CCSER1: variants seen among roughly 807,000 people sequenced by gnomAD.
CCSER1 encodes the protein coiled-coil serine rich protein 1.
Under a neutral mutation model 82.0 loss-of-function variants are expected in CCSER1, and 41 were observed. The ratio of observed to expected loss-of-function variants is 0.50; its 90% CI spans 0.39 to 0.65. The LOEUF (loss-of-function observed/expected upper bound fraction) is 0.65, where lower values mean the gene tolerates loss of function less well. Among genes scored for constraint, CCSER1 ranks in the 30% least tolerant of loss-of-function variants. CCSER1 has a pLI of 0.00. For missense variants in CCSER1, 1,119 were observed against 1,064.2 expected, an observed-to-expected ratio of 1.05 and a Z score of -0.72; for synonymous variants, 414 against 383.9, an observed-to-expected ratio of 1.08 and a Z score of -0.92.
chr4:90,198,885 A>G (rs568339788), intron 1 of CCSER1, among the ~76,000 whole-genome samples: 1 of 152,146 alleles, frequency 6.6e-6, no homozygotes, highest in Non-Finnish European at 1.5e-5. Context: ...AGATTATTCA[A>G]ATCTTTACAT....
At chr4:90,532,698 G>C (rs116239987) in intron 5 of CCSER1, among the ~76,000 whole-genome samples, 1 of 152,024 alleles carries the variant, frequency 6.6e-6, no homozygotes, top group Non-Finnish European at 1.5e-5. Flanking sequence ...AAATAATTTT[G>C]TATGGACTTC....
At chr4:91,374,258 C>A (rs949577305) in intron 10 of CCSER1, among the ~76,000 whole-genome samples, 2 of 152,138 alleles carry the variant, frequency 1.3e-5, no homozygotes, top group South Asian at 4.1e-4. Context: ...AAGATGCCAT[C>A]TAGGACTTTC....
At chr4:91,082,080 G>A (rs1219037019) in intron 9 of CCSER1, among the ~76,000 whole-genome samples, 1 of 152,044 alleles carries the variant, frequency 6.6e-6, no homozygotes, top group Non-Finnish European at 1.5e-5. Context: ...ATTTCATACG[G>A]AACCACAAAA....
chr4:91,148,282 A>C (rs1055072283), intron 10 of CCSER1, among the ~76,000 whole-genome samples: 1 of 152,110 alleles, frequency 6.6e-6, no homozygotes, highest in African/African-American at 2.4e-5. Context: ...TCTTCAATTG[A>C]GACTCATTTA....
chr4:90,938,703 G>T, intron 9 of CCSER1: 1 of 406,124 alleles, frequency 2.5e-6, no homozygotes, highest in Non-Finnish European at 5.0e-6. Flanking sequence ...ATGCACTGAA[G>T]GTTTATTTAA....
At chr4:90,405,879 A>G (rs766768357) in intron 4 of CCSER1, among the ~76,000 whole-genome samples, 2 of 152,180 alleles carry the variant, frequency 1.3e-5, no homozygotes, top group Non-Finnish European at 2.9e-5. Flanking sequence ...TCTTGAAACA[A>G]ATTTTCAAAA....
At chr4:90,195,206 T>G (rs563557355) in intron 1 of CCSER1, among the ~76,000 whole-genome samples, 1 of 152,238 alleles carries the variant, frequency 6.6e-6, no homozygotes, top group Non-Finnish European at 1.5e-5. Context: ...ACCAAGATGT[T>G]CCTTAGTAGG....
At chr4:90,479,726 A>G (rs1319255371) in intron 5 of CCSER1, among the ~76,000 whole-genome samples, 1 of 152,172 alleles carries the variant, frequency 6.6e-6, no homozygotes, top group Non-Finnish European at 1.5e-5. Context: ...TTATGGCTGT[A>G]TAGTATTCTA....
intron 10 of CCSER1, among the ~76,000 whole-genome samples, chr4:91,292,687 T>C (rs1743846276): frequency 6.6e-6 from 1 of 152,052 alleles, no homozygotes; most frequent in African/African-American, 2.4e-5. Flanking sequence ...GTATTAGGCC[T>C]CAATGTATTA....
rs149650597 is a variant in CCSER1 at position 91,566,969 on chromosome 4, G to A, written c.2218-31603G>A. ...TGTTCTTGCTTCTCTACTTCTTTCAGTTGTGAAGTTAGGTTGTTCACTGAG... is the reference window on the plus strand; with the variant it reads ...TGTTCTTGCTTCTCTACTTCTTTCAATTGTGAAGTTAGGTTGTTCACTGAG... On this transcript the variant is annotated intron_variant, in intron 10 of 10. Transcript: ENST00000509176. Among the ~76,000 whole-genome samples the A allele has an allele frequency of 1.1e-4, 17 of 151,938 alleles. No homozygotes were observed. The East Asian group carries it at 3.3e-3, about 30-fold the overall frequency.
intron 10 of CCSER1, among the ~76,000 whole-genome samples, chr4:91,277,504 T>C (rs1176809637): frequency 6.6e-6 from 1 of 151,530 alleles, no homozygotes; most frequent in African/African-American, 2.4e-5. Context: ...TTATTTTTTG[T>C]TATTGTGGTA....
At chr4:90,192,598 G>T (rs1241825429) in intron 1 of CCSER1, among the ~76,000 whole-genome samples, 2 of 151,956 alleles carry the variant, frequency 1.3e-5, no homozygotes, top group Non-Finnish European at 2.9e-5. Context: ...GACAAATAGG[G>T]ATAATAGTAA....
intron 9 of CCSER1, among the ~76,000 whole-genome samples, chr4:91,042,797 G>T (rs1292945350): frequency 6.6e-6 from 1 of 152,124 alleles, no homozygotes; most frequent in Non-Finnish European, 1.5e-5. Context: ...AAAAGTACGT[G>T]AAAAGTGGTA....
intron 8 of CCSER1, among the ~76,000 whole-genome samples, chr4:90,905,110 G>A (rs756465319): frequency 2.0e-5 from 3 of 151,934 alleles, no homozygotes; most frequent in African/African-American, 7.3e-5. Flanking sequence ...AAATAGATAG[G>A]ACTCTATCCC....
chr4:91,467,357 G>T (rs1756978257), intron 10 of CCSER1, among the ~76,000 whole-genome samples: 1 of 152,046 alleles, frequency 6.6e-6, no homozygotes, highest in African/African-American at 2.4e-5. Context: ...AATTCAAGAT[G>T]GATTAAAGAC....
intron 10 of CCSER1, among the ~76,000 whole-genome samples, chr4:91,544,902 A>G (rs1280655351): frequency 2.0e-5 from 3 of 152,114 alleles, no homozygotes; most frequent in Admixed American, 1.3e-4. Context: ...CCCTGTCCCC[A>G]GAGTTGGAGT....
At chr4:90,597,014 C>T (rs1205305187) in intron 5 of CCSER1, among the ~76,000 whole-genome samples, 1 of 152,020 alleles carries the variant, frequency 6.6e-6, no homozygotes, top group Admixed American at 6.6e-5. Context: ...AAAAATTATT[C>T]TCAGTCATGA....
chr4:90,835,120 A>G (rs1287255990), intron 8 of CCSER1, among the ~76,000 whole-genome samples: 2 of 152,128 alleles, frequency 1.3e-5, no homozygotes, highest in Admixed American at 1.3e-4. Flanking sequence ...TCACGAGGTC[A>G]GCAGATTAAG....
At chr4:91,305,903 C>A (rs909893702) in intron 10 of CCSER1, among the ~76,000 whole-genome samples, 1 of 151,478 alleles carries the variant, frequency 6.6e-6, no homozygotes, top group East Asian at 2.0e-4. Context: ...CTTGTGAGAC[C>A]CCCCCTCACT....
Sources: gnomAD v4.1 joint callset for allele counts (sites outside exome capture counted in the v4.1 genomes callset) on GRCh38, gnomAD v4.1.1 for gene constraint, MANE v1.5 for transcripts, NCBI Gene and HGNC (gene_info 2026-07-23, HGNC 2026-07-21) for gene names.